RNGTT: variants seen among roughly 807,000 people sequenced by gnomAD.
RNGTT encodes RNA guanylyltransferase and 5'-phosphatase.
In RNGTT, 33 loss-of-function variants were observed where a neutral mutation model predicts 79.3. The ratio of observed to expected loss-of-function variants is 0.42; its 90% CI spans 0.32 to 0.56. RNGTT has a LOEUF of 0.56. Ranked by LOEUF, RNGTT falls within the 20% of genes least tolerant of loss-of-function variation. The pLI is 0.17. For synonymous variants in RNGTT, 222 were observed against 235.9 expected, an observed-to-expected ratio of 0.94 and a Z score of 0.54; for missense variants, 497 against 739.1, an observed-to-expected ratio of 0.67 and a Z score of 3.80.
intron 10 of RNGTT, among the ~76,000 whole-genome samples, chr6:88,848,620 T>G (rs928645684): frequency 1.4e-5 from 2 of 142,464 alleles, no homozygotes; most frequent in African/African-American, 3.1e-5. Context: ...TACAATAACA[T>G]TTATATAACA....
chr6:88,843,870 A>T (rs1396973938), intron 11 of RNGTT, among the ~76,000 whole-genome samples: 1 of 151,010 alleles, frequency 6.6e-6, no homozygotes, highest in Non-Finnish European at 1.5e-5. Context: ...TATATGATTC[A>T]TTTTAAGTGG....
At chr6:88,956,082 A>G (rs1785422599) in intron 1 of RNGTT, among the ~76,000 whole-genome samples, 1 of 151,564 alleles carries the variant, frequency 6.6e-6, no homozygotes, top group East Asian at 1.9e-4. Flanking sequence ...CTTTGAAAAT[A>G]TAAACACAAT....
At chr6:88,790,499 C>T (rs1034033640) in intron 12 of RNGTT, among the ~76,000 whole-genome samples, 1 of 152,124 alleles carries the variant, frequency 6.6e-6, no homozygotes, top group Non-Finnish European at 1.5e-5. Flanking sequence ...GACCCTAGCT[C>T]CTTTACCTTC....
intron 1 of RNGTT, among the ~76,000 whole-genome samples, chr6:88,959,828 G>C (rs2127967777): frequency 6.6e-6 from 1 of 151,860 alleles, no homozygotes; most frequent in Middle Eastern, 3.4e-3. Context: ...CACCCTACTT[G>C]CCTGTATGAT....
chr6:88,783,008 A>G (rs1242353480), intron 12 of RNGTT, among the ~76,000 whole-genome samples: 1 of 152,178 alleles, frequency 6.6e-6, no homozygotes, highest in Non-Finnish European at 1.5e-5. Flanking sequence ...AATTAAAGAC[A>G]GAACCACCCT....
chr6:88,919,172 A>C (rs1784087094), intron 4 of RNGTT, among the ~76,000 whole-genome samples: 1 of 152,222 alleles, frequency 6.6e-6, no homozygotes, highest in African/African-American at 2.4e-5. Context: ...ACAAGCTTAG[A>C]TACGTCTTCA....
chr6:88,673,543 A>G (rs1774735814), intron 14 of RNGTT, among the ~76,000 whole-genome samples: 1 of 152,328 alleles, frequency 6.6e-6, no homozygotes, highest in East Asian at 1.9e-4. Flanking sequence ...ACAATTAATA[A>G]GGATAAGAAT....
intron 13 of RNGTT, among the ~76,000 whole-genome samples, chr6:88,703,158 G>A (rs57259916): frequency 0.038 from 5,779 of 152,214 alleles, 174 homozygotes; most frequent in African/African-American, 0.08. Context: ...CTCAAAGAAC[G>A]TAAAACAGAA....
chr6:88,816,184 A>G (rs1048866843), intron 11 of RNGTT, among the ~76,000 whole-genome samples: 2 of 152,230 alleles, frequency 1.3e-5, no homozygotes, highest in African/African-American at 2.4e-5. Flanking sequence ...GGGATTTGAC[A>G]TAACACCTTT....
At chr6:88,685,537 A>G (rs1417051351) in intron 13 of RNGTT, among the ~76,000 whole-genome samples, 1 of 150,682 alleles carries the variant, frequency 6.6e-6, no homozygotes, top group Admixed American at 6.6e-5. Context: ...AGAGGGGAGA[A>G]GGGGGGAGGA....
chr6:88,818,160 G>T (rs988378721), intron 11 of RNGTT, among the ~76,000 whole-genome samples: 1 of 152,148 alleles, frequency 6.6e-6, no homozygotes, highest in African/African-American at 2.4e-5. Context: ...ATCAGGTTGA[G>T]CATTATGTGC....
At chr6:88,856,735 C>A (rs1210042125) in intron 8 of RNGTT, among the ~76,000 whole-genome samples, 1 of 151,834 alleles carries the variant, frequency 6.6e-6, no homozygotes, top group East Asian at 1.9e-4. Context: ...TTTTGTTATG[C>A]GATACTAACA....
At chr6:88,764,021 G>T (rs879704575) in intron 13 of RNGTT, among the ~76,000 whole-genome samples, 12 of 152,102 alleles carry the variant, frequency 7.9e-5, no homozygotes, top group Non-Finnish European at 1.6e-4. Context: ...CAATTGTCTG[G>T]AGCCTCTGAA....
rs540208800 is a variant in RNGTT at position 88,929,025 on chromosome 6, C to G, written c.327G>C (p.Leu109=). Residue 109 remains leucine (L), a synonymous_variant, in exon 4 of 16, where the codon CTG becomes CTC. Coordinates refer to ENST00000369485, the MANE Select transcript of RNGTT (RefSeq NM_003800.5). ...GATTTCTTTCATTAAACCGCTCACA[C>G]AGACGAATAAAGGTCTCAGTATTCT... is the stretch of plus-strand genomic sequence containing the variant. The part of the protein sequence containing the change: ...TTENTETFIR[L]CERFNERNPP... 9 of 1,612,986 alleles carry G rather than the reference C, an allele frequency of 5.6e-6. No individual in the cohort carries two copies. In the South Asian group the frequency reaches 9.9e-5, roughly 18 times the overall value.
chr6:88,772,793 T>G (rs1232953913), intron 12 of RNGTT, among the ~76,000 whole-genome samples: 1 of 151,630 alleles, frequency 6.6e-6, no homozygotes, highest in Non-Finnish European at 1.5e-5. Context: ...CCAGTTAGAA[T>G]GGCAATCATT....
intron 12 of RNGTT, among the ~76,000 whole-genome samples, chr6:88,777,135 C>T (rs543900074): frequency 1.3e-5 from 2 of 152,212 alleles, no homozygotes; most frequent in South Asian, 2.1e-4. Context: ...TCTTGGTGCC[C>T]ATGTCAAAAA....
At chr6:88,916,610 A>G (rs1784007714) in intron 4 of RNGTT, among the ~76,000 whole-genome samples, 1 of 152,202 alleles carries the variant, frequency 6.6e-6, no homozygotes, top group African/African-American at 2.4e-5. Flanking sequence ...TAATAACATA[A>G]TCCAAATATT....
chr6:88,839,201 T>C (rs1030973009), intron 11 of RNGTT, among the ~76,000 whole-genome samples: 3 of 152,128 alleles, frequency 2.0e-5, no homozygotes, highest in Admixed American at 1.3e-4. Context: ...TGTGTACCTA[T>C]ACTGGAGTGA....
chr6:88,944,445 A>G (rs1021116135), intron 1 of RNGTT, among the ~76,000 whole-genome samples: 2 of 152,026 alleles, frequency 1.3e-5, no homozygotes, highest in East Asian at 3.9e-4. Context: ...ACCTTTCTGT[A>G]TCTCAGCCCA....
Sources: allele counts gnomAD v4.1 joint callset (sites outside exome capture counted in the v4.1 genomes callset), GRCh38; gene constraint gnomAD v4.1.1; transcripts MANE v1.5; gene names NCBI Gene and HGNC (gene_info 2026-07-23, HGNC 2026-07-21).